The following ARHGEF7 variants were observed in gnomAD, a reference collection of about 807,000 sequenced individuals.
The protein encoded by ARHGEF7 is Rho guanine nucleotide exchange factor 7.
A neutral mutation model predicts 109.8 loss-of-function variants in ARHGEF7; 33 were observed. That is an observed-to-expected ratio of 0.30 (90% CI 0.23 to 0.40). The LOEUF (loss-of-function observed/expected upper bound fraction) is 0.40. Ranked by LOEUF, ARHGEF7 falls within the 10% of genes least tolerant of loss-of-function variation. The pLI is 1.00. For missense variants in ARHGEF7, 938 were observed against 1,098.5 expected (o/e 0.85, Z 2.07); for synonymous variants, 458 against 424.6 (o/e 1.08, Z -0.97).
At chr13:111,217,068 G>A (rs1483027720) in intron 4 of ARHGEF7, among the ~76,000 whole-genome samples, 1 of 152,196 alleles carries the variant, frequency 6.6e-6, no homozygotes, top group Admixed American at 6.5e-5. Context: ...GTAGTTTGTA[G>A]AAACTTTTTG....
chr13:111,205,169 A>T (rs2081657477), intron 2 of ARHGEF7, 120 bp from the exon 3 acceptor site: 1 of 676,046 alleles, frequency 1.5e-6, no homozygotes. Context: ...TCCCTGTCGC[A>T]GGTTGTGCGG....
intron 1 of ARHGEF7, chr13:111,122,703 G>A (rs1027573562): frequency 6.6e-6 from 1 of 152,216 alleles, no homozygotes. Flanking sequence ...GGAAGCGCAC[G>A]CATGGATGCC....
intron 2 of ARHGEF7, among the ~76,000 whole-genome samples, chr13:111,154,619 G>A (rs529890973): frequency 1.9e-4 from 29 of 152,246 alleles, no homozygotes; most frequent in Admixed American, 1.1e-3. Flanking sequence ...CATACTGGGC[G>A]GGGTCTCGAT....
chr13:111,296,815 G>A (rs1329909181), intron 19 of ARHGEF7, among the ~76,000 whole-genome samples: 2 of 152,200 alleles, frequency 1.3e-5, no homozygotes, highest in African/African-American at 4.8e-5. Flanking sequence ...TCTCCGAGAA[G>A]TGTAGCCCAC....
chr13:111,222,093 C>T (rs56047737), intron 5 of ARHGEF7, among the ~76,000 whole-genome samples: 3,699 of 152,202 alleles, frequency 0.024, 75 homozygotes, highest in Middle Eastern at 0.11. Flanking sequence ...TCCCAGTTCA[C>T]GGACTCAAAT....
intron 9 of ARHGEF7, among the ~76,000 whole-genome samples, chr13:111,270,331 C>T (rs1334527494): frequency 6.6e-6 from 1 of 152,192 alleles, no homozygotes; most frequent in Non-Finnish European, 1.5e-5. Context: ...TGTGTACGGG[C>T]TGCTGGCATC....
chr13:111,122,615 A>G (rs2067270258), intron 1 of ARHGEF7: 1 of 152,254 alleles, frequency 6.6e-6, no homozygotes, highest in Non-Finnish European at 1.5e-5. Flanking sequence ...TATTTCAAAC[A>G]CATGTATGTG....
At position 111,275,817 on chromosome 13, in the gene ARHGEF7, C is replaced by A; in HGVS notation, c.1419+139C>A. The A allele has an allele frequency of 4.6e-6, 5 of 1,091,100 alleles. No individual in the cohort carries two copies. The South Asian group carries it at 5.4e-5, about 12-fold the overall frequency. The allele number at this position is 1,091,100 out of a possible 1,614,324, so 67.6% of individuals were successfully genotyped here. A position where few individuals can be genotyped will look rare whatever the true frequency, so the allele number is the denominator to read the frequency against. On this transcript the variant is annotated intron_variant, in intron 12 of 21. Coordinates refer to ENST00000646102, the MANE Select transcript of ARHGEF7 (RefSeq NM_001354046.2). ...TATAATTTGTGAGCTACTTTTTATT[C>A]TTGACACAGGAGAGAGGCTTATGGC... is the stretch of plus-strand genomic sequence containing the variant.
At chr13:111,229,967 G>A in intron 5 of ARHGEF7, among the ~76,000 whole-genome samples, 1 of 152,066 alleles carries the variant, frequency 6.6e-6, no homozygotes, top group Non-Finnish European at 1.5e-5. Flanking sequence ...GGGTTACTAA[G>A]GGATCCAGTT....
rs113069025 is a variant in ARHGEF7, at chr13:111,266,206, C to T, written c.951-1342C>T. Among the ~76,000 whole-genome samples the T allele has an allele frequency of 3.9e-5, 6 of 151,930 alleles. No individual in the cohort carries two copies. Among genetic ancestry groups the T allele is most frequent in the Non-Finnish European group, 7.4e-5 (5 of 68,016 alleles). On this transcript the variant is annotated intron_variant, in intron 8 of 21. Transcript: ENST00000646102. This position sits in a 1 kb window ranked among gnomAD's most constrained non-coding sequence, Gnocchi z 4.8. ...AGTTAGAGGAAGCGATTTCCACCCC[C>T]GTTTCAAGGGGTGCTTCAGTGTTTC...
chr13:111,187,063 G>C, intron 2 of ARHGEF7: 2 of 972,436 alleles, frequency 2.1e-6, no homozygotes, highest in Non-Finnish European at 2.4e-6. Context: ...TGTGAAAGCA[G>C]TTGGGCTGGA....
chr13:111,267,758 C>T, intron 9 of ARHGEF7, 88 bp downstream of exon 9: 6 of 1,494,136 alleles, frequency 4.0e-6, no homozygotes, highest in Non-Finnish European at 5.5e-6. Flanking sequence ...TGCTAATAGT[C>T]CCTTGGTTAT....
chr13:111,230,258 C>T (rs1172827951), intron 5 of ARHGEF7, among the ~76,000 whole-genome samples: 2 of 152,134 alleles, frequency 1.3e-5, no homozygotes, highest in Non-Finnish European at 2.9e-5. Flanking sequence ...CTCCTCAATA[C>T]CAGTGAATTT....
At chr13:111,232,273 T>C (rs1298873298) in intron 5 of ARHGEF7, among the ~76,000 whole-genome samples, 1 of 152,004 alleles carries the variant, frequency 6.6e-6, no homozygotes, top group South Asian at 2.1e-4. Flanking sequence ...ATGGACGCCA[T>C]ACACTGTCTG....
chr13:111,194,489 C>T (rs1278693864), intron 2 of ARHGEF7, among the ~76,000 whole-genome samples: 2 of 152,182 alleles, frequency 1.3e-5, no homozygotes, highest in East Asian at 1.9e-4. Flanking sequence ...CCAGTATAGG[C>T]CGTACTCATT....
intron 2 of ARHGEF7, among the ~76,000 whole-genome samples, chr13:111,201,491 G>A (rs1344515903): frequency 6.6e-6 from 1 of 152,222 alleles, no homozygotes; most frequent in African/African-American, 2.4e-5. Context: ...TGACCTGTAA[G>A]TCATGTAGAT....
chr13:111,134,169 C>T (rs2074969784), intron 1 of ARHGEF7, among the ~76,000 whole-genome samples: 1 of 152,104 alleles, frequency 6.6e-6, no homozygotes, highest in African/African-American at 2.4e-5. Context: ...ATATGTGCCA[C>T]ATTTTCTTAA....
chr13:111,278,851 T>G (rs2092631783), intron 13 of ARHGEF7, among the ~76,000 whole-genome samples: 1 of 152,252 alleles, frequency 6.6e-6, no homozygotes, highest in Non-Finnish European at 1.5e-5. Flanking sequence ...TTGTCACTTG[T>G]GGCAGGCTTG....
chr13:111,292,885 G>A (rs1401713530), intron 19 of ARHGEF7: 1 of 988,040 alleles, frequency 1.0e-6, no homozygotes, highest in Non-Finnish European at 1.2e-6. Flanking sequence ...TGGGCTCTGG[G>A]CCTTGGCAGG....
Sources: allele counts gnomAD v4.1 joint callset (sites outside exome capture counted in the v4.1 genomes callset), GRCh38; gene constraint gnomAD v4.1.1; non-coding constraint Gnocchi (gnomAD v3.1); transcripts MANE v1.5; gene names NCBI Gene and HGNC (gene_info 2026-07-23, HGNC 2026-07-21).